PLXNA2: variants seen among roughly 807,000 people sequenced by gnomAD.
PLXNA2 encodes plexin A2.
In PLXNA2, 91 loss-of-function variants were observed where a neutral mutation model predicts 193.5. The observed-to-expected ratio is 0.47, with a 90% CI of 0.40 to 0.56. The LOEUF is 0.56. Among genes scored for constraint, PLXNA2 ranks in the 20% least tolerant of loss-of-function variants. PLXNA2 has a pLI of 0.00. For missense variants in PLXNA2, 1,995 were observed against 2,503.2 expected (o/e 0.80, Z 4.33); for synonymous variants, 997 against 1,027.3 (o/e 0.97, Z 0.56).
At chr1:208,137,901 G>A (rs900811846) in intron 4 of PLXNA2, among the ~76,000 whole-genome samples, 1 of 152,160 alleles carries the variant, frequency 6.6e-6, no homozygotes, top group Admixed American at 6.5e-5. Flanking sequence ...CTCTCACTAT[G>A]TGTTCCACTC....
In PLXNA2 at chr1:208,217,754, G is replaced by A; in HGVS notation, c.169C>T (p.Gln57Ter). The change falls in exon 2 of 32, where the codon CAA (glutamine) becomes TAA (stop). Residue 57 changes from glutamine (Q) to a stop codon, truncating the protein, a stop_gained. Transcript: ENST00000367033. LOFTEE classifies it high-confidence loss of function. The surrounding 1 kb of genome is among the most constrained non-coding windows in gnomAD (Gnocchi z 4.7). Reference protein sequence around the residue: ...DWTFNHLTVHQGTGAVYVGAI... With the variant: ...DWTFNHLTVH Reference sequence around the variant, plus strand: ...CCCACATAGACGGCCCCCGTCCCTTGGTGGACGGTCAAGTGGTTGAAGGTC... The same window carrying A: ...CCCACATAGACGGCCCCCGTCCCTTAGTGGACGGTCAAGTGGTTGAAGGTC... 6.2e-7 allele frequency: 1 copy of A among 1,614,152 alleles called. No individual in the cohort carries two copies. Among genetic ancestry groups the A allele is most frequent in the Non-Finnish European group, 8.5e-7 (1 of 1,180,022 alleles).
intron 29 of PLXNA2, chr1:208,030,043 G>A (rs1269036613): frequency 1.0e-6 from 1 of 985,388 alleles, no homozygotes; most frequent in South Asian, 4.7e-5. Context: ...TTTCCCAAAT[G>A]TCTCAGTAGT....
intron 1 of PLXNA2, among the ~76,000 whole-genome samples, chr1:208,235,655 C>T (rs912196080): frequency 6.6e-6 from 1 of 152,178 alleles, no homozygotes; most frequent in African/African-American, 2.4e-5. Flanking sequence ...GGAAGGGCTA[C>T]AAGTGTGAAG....
chr1:208,174,974 T>A (rs974015464), intron 3 of PLXNA2, among the ~76,000 whole-genome samples: 1 of 152,186 alleles, frequency 6.6e-6, no homozygotes, highest in African/African-American at 2.4e-5. Flanking sequence ...GGGAACTCTG[T>A]CCAGCCCTGG....
At chr1:208,128,660 C>T (rs1668044583) in intron 4 of PLXNA2, among the ~76,000 whole-genome samples, 1 of 147,652 alleles carries the variant, frequency 6.8e-6, no homozygotes, top group African/African-American at 2.5e-5. Context: ...TCCTCTCTTT[C>T]TTCCTAAGCT....
chr1:208,147,905 A>G (rs1668647241), intron 3 of PLXNA2, among the ~76,000 whole-genome samples: 2 of 152,068 alleles, frequency 1.3e-5, no homozygotes, highest in Admixed American at 1.3e-4. Flanking sequence ...TAAACTCAGA[A>G]CCTAATTTTT....
chr1:208,065,562 G>A (rs11118980), intron 12 of PLXNA2, among the ~76,000 whole-genome samples: 72,254 of 151,980 alleles, frequency 0.48, 17,936 homozygotes, highest in Non-Finnish European at 0.55. Flanking sequence ...CTTCCTAGAT[G>A]ACTAAAACAT....
Position 208,033,523 on chromosome 1 carries a change from G to A in PLXNA2, c.4865-14C>T, listed in dbSNP as rs78000533. On this transcript the variant is annotated splice_polypyrimidine_tract_variant and intron_variant, in intron 27 of 31. Coordinates refer to ENST00000367033, the MANE Select transcript of PLXNA2 (RefSeq NM_025179.4). ...TGAAGGAGGAGTCTGAGGAGAAGGG[G>A]TTGGTGGAGGGCTGTGAGTAACAGT... is the stretch of plus-strand genomic sequence containing the variant. 1.0e-4 allele frequency: 164 copies of A among 1,588,536 alleles called. No individual in the cohort carries two copies. Among genetic ancestry groups the A allele is most frequent in the Non-Finnish European group, 1.3e-4 (156 of 1,162,858 alleles).
chr1:208,112,354 C>G (rs1229689664), intron 4 of PLXNA2, among the ~76,000 whole-genome samples: 3 of 152,222 alleles, frequency 2.0e-5, no homozygotes, highest in African/African-American at 7.2e-5. Flanking sequence ...CCCTCAGTTT[C>G]CAATCCAGCT....
chr1:208,177,718 A>G (rs1342688273), intron 3 of PLXNA2, among the ~76,000 whole-genome samples: 1 of 152,266 alleles, frequency 6.6e-6, no homozygotes, highest in Non-Finnish European at 1.5e-5. Flanking sequence ...GAACTAGATA[A>G]GTGGTTCTCA....
chr1:208,223,750 A>G (rs1348436097), intron 1 of PLXNA2, among the ~76,000 whole-genome samples: 1 of 152,184 alleles, frequency 6.6e-6, no homozygotes, highest in East Asian at 1.9e-4. Flanking sequence ...CCTTCTTCCC[A>G]AAGAGTTAGA....
intron 3 of PLXNA2, among the ~76,000 whole-genome samples, chr1:208,202,393 C>T (rs10863703): frequency 0.7 from 106,941 of 152,090 alleles, 37,761 homozygotes; most frequent in East Asian, 0.87. Flanking sequence ...TTAATCCTTA[C>T]TGTAATCTTA....
chr1:208,204,001 T>C (rs1670638117), intron 3 of PLXNA2, among the ~76,000 whole-genome samples: 1 of 152,194 alleles, frequency 6.6e-6, no homozygotes, highest in African/African-American at 2.4e-5. Context: ...AAATCGTTTG[T>C]GCGATTACAA....
chr1:208,055,197 G>A (rs1008618501), intron 13 of PLXNA2, among the ~76,000 whole-genome samples: 3 of 152,126 alleles, frequency 2.0e-5, no homozygotes, highest in South Asian at 2.1e-4. Flanking sequence ...GAGCACACCC[G>A]GTGGGAGAGA....
chr1:208,079,353 C>T lies in PLXNA2; in HGVS notation c.2493G>A (p.Arg831=), dbSNP rs1666257149. Residue 831 remains arginine, a synonymous_variant, in exon 12 of 32, where the codon AGG becomes AGA. Coordinates refer to ENST00000367033, the MANE Select transcript of PLXNA2 (RefSeq NM_025179.4). ...TGGTACAGTGCTGGTGGAGGGTGCA[C>T]CTGCGCTCGCCGCTGCACCAGCCAC... ...FECGWCSGER[R]CTLHQHCTSP... The T allele has an allele frequency of 1.2e-6, 2 of 1,613,546 alleles. No homozygotes were observed. Among genetic ancestry groups the T allele is most frequent in the South Asian group, 1.1e-5 (1 of 91,034 alleles).
intron 3 of PLXNA2, among the ~76,000 whole-genome samples, chr1:208,179,029 G>A (rs1045798273): frequency 3.3e-5 from 5 of 152,220 alleles, no homozygotes; most frequent in Non-Finnish European, 7.3e-5. Context: ...TAGCATGTAA[G>A]CCCTGACACA....
chr1:208,210,512 A>C (rs775093675), intron 2 of PLXNA2, 50 bp from the exon 3 acceptor site: 3 of 1,508,896 alleles, frequency 2.0e-6, no homozygotes, highest in Non-Finnish European at 2.7e-6. Flanking sequence ...AGGCATGGTG[A>C]AGTCTCTACA....
chr1:208,108,809 T>C (rs1667362004), intron 4 of PLXNA2, among the ~76,000 whole-genome samples: 1 of 152,132 alleles, frequency 6.6e-6, no homozygotes, highest in Non-Finnish European at 1.5e-5. Context: ...ACAATAGAAG[T>C]AGAACCAGGA....
At chr1:208,198,431 G>C (rs999569613) in intron 3 of PLXNA2, among the ~76,000 whole-genome samples, 4 of 152,208 alleles carry the variant, frequency 2.6e-5, no homozygotes, top group African/African-American at 9.6e-5. Context: ...GCAGCTTTTG[G>C]CCTTGTCAGC....
Sources: allele counts gnomAD v4.1 joint callset (sites outside exome capture counted in the v4.1 genomes callset), GRCh38; gene constraint gnomAD v4.1.1; non-coding constraint Gnocchi (gnomAD v3.1); transcripts MANE v1.5; gene names NCBI Gene and HGNC (gene_info 2026-07-23, HGNC 2026-07-21).